UPRT: variants seen among roughly 807,000 people sequenced by gnomAD.
UPRT encodes the protein RP11-311P8.3.
Under a neutral mutation model 22.6 loss-of-function variants are expected in UPRT, and 5 were observed. The observed-to-expected ratio is 0.22, with a 90% CI of 0.12 to 0.47. UPRT has a LOEUF of 0.47. UPRT is among the 20% of genes least tolerant of loss of function. The pLI, the probability that UPRT is intolerant of heterozygous loss-of-function variation, is 0.99. For missense variants in UPRT, 181 were observed against 239.9 expected, an observed-to-expected ratio of 0.75 and a Z score of 1.62; for synonymous variants, 77 against 87.7, an observed-to-expected ratio of 0.88 and a Z score of 0.68.
intron 4 of UPRT, among the ~76,000 whole-genome samples, chrX:75,211,187 A>G (rs2082379455): frequency 9.0e-6 from 1 of 111,075 alleles, no homozygotes; most frequent in Non-Finnish European, 1.9e-5. Flanking sequence ...GAGGGGAGTG[A>G]GTACCCCAGA....
chrX:75,268,352 C>A (rs867222811), intron 4 of UPRT, among the ~76,000 whole-genome samples: 67 of 111,386 alleles, frequency 6.0e-4, no homozygotes, highest in African/African-American at 2.0e-3. Context: ...TGTACCATTC[C>A]GTTTGAAACT....
chrX:75,231,792 T>C (rs1230138107), intron 4 of UPRT, among the ~76,000 whole-genome samples: 3 of 112,278 alleles, frequency 2.7e-5, no homozygotes, highest in Non-Finnish European at 3.8e-5. Context: ...CCAGGTCTTA[T>C]TGATAAACTC....
intron 4 of UPRT, among the ~76,000 whole-genome samples, chrX:75,246,357 TG>T (rs1370075901): frequency 9.5e-6 from 1 of 105,702 alleles, no homozygotes; most frequent in African/African-American, 3.5e-5. Flanking sequence ...ATGCAGTGTT[TG>T]GTTTTTTGTC....
chrX:75,184,865 G>T (rs988386475), intron 4 of UPRT, among the ~76,000 whole-genome samples: 11 of 111,551 alleles, frequency 9.9e-5, no homozygotes, highest in African/African-American at 1.6e-4. Context: ...TTTGTACATT[G>T]ATTTTGTATC....
intron 4 of UPRT, among the ~76,000 whole-genome samples, chrX:75,182,834 C>A: frequency 9.3e-6 from 1 of 107,516 alleles, no homozygotes; most frequent in African/African-American, 3.4e-5. Flanking sequence ...CTTTAAACAC[C>A]TCAATTTCCT....
Position 75,274,487 on chromosome X carries a change from G to A in UPRT, c.233G>A (p.Gly78Asp), listed in dbSNP as rs1220800811. 1 of 1,209,988 alleles carries A rather than the reference G, an allele frequency of 8.3e-7. No homozygotes were observed. Among genetic ancestry groups the A allele is most frequent in the African/African-American group, 1.7e-5 (1 of 57,214 alleles). ...GGCGGCTCCAGCCTCAACTCAGAGG[G>A]CAACAGTGGTAGTGGTGACAGTAGC... is the stretch of plus-strand genomic sequence containing the variant. ...ACGGSSLNSEGNSGSGDSSSY... is the reference protein window; with the variant it reads ...ACGGSSLNSEDNSGSGDSSSY... The change falls in exon 1 of 7, where the codon GGC becomes GAC. Residue 78 changes from glycine (G) to aspartate (D), a missense_variant. Coordinates refer to ENST00000373383, the MANE Select transcript of UPRT (RefSeq NM_145052.4).
At position 75,247,489 on chromosome X, in the gene UPRT, C is replaced by G. The variant is rs1479654858; in HGVS notation, c.-446-43535C>G. ...CACAGAGCCTTGCTCATTGCTAGCACAGCAGTCTGAGATCAAACTGCAAAG... is the reference window on the plus strand; with the variant it reads ...CACAGAGCCTTGCTCATTGCTAGCAGAGCAGTCTGAGATCAAACTGCAAAG... On this transcript the variant is annotated intron_variant, in intron 4 of 13. Transcript: ENST00000652605. 3.6e-5 allele frequency among the ~76,000 whole-genome samples: 4 copies of G among 111,579 alleles called. No homozygotes were observed. In the East Asian group the frequency reaches 1.1e-3, roughly 32 times the overall value.
intron 4 of UPRT, among the ~76,000 whole-genome samples, chrX:75,209,567 T>G (rs1313677193): frequency 8.9e-6 from 1 of 111,887 alleles, no homozygotes; most frequent in African/African-American, 3.2e-5. Flanking sequence ...GAGACGGGGT[T>G]TCACCATGTT....
chrX:75,158,194 C>G (rs957663064), intron 1 of UPRT, among the ~76,000 whole-genome samples: 3 of 111,203 alleles, frequency 2.7e-5, no homozygotes, highest in African/African-American at 9.8e-5. Flanking sequence ...TCCAGGGCAC[C>G]CAGAAATAGA....
At chrX:75,284,728 T>C (rs778282899) in intron 1 of UPRT, among the ~76,000 whole-genome samples, 1 of 111,502 alleles carries the variant, frequency 9.0e-6, no homozygotes, top group East Asian at 2.8e-4. Flanking sequence ...GACTCCATTA[T>C]GGTTTTTAGC....
intron 4 of UPRT, chrX:75,297,804 AGGAGGATG>A (rs1364784105): frequency 3.9e-5 from 14 of 361,674 alleles, no homozygotes; most frequent in Non-Finnish European, 6.3e-5. Flanking sequence ...AGAGATTCAG[AGGAGGATG>A]GGAGGATAGG....
At chrX:75,291,118 G>A (rs945837340) in intron 1 of UPRT, among the ~76,000 whole-genome samples, 11 of 111,776 alleles carry the variant, frequency 9.8e-5, no homozygotes, top group Admixed American at 2.9e-4. Flanking sequence ...GTCAAGAAAA[G>A]TGGGTTCTCA....
intron 4 of UPRT, among the ~76,000 whole-genome samples, chrX:75,253,925 G>T (rs1018871440): frequency 4.5e-5 from 5 of 111,495 alleles, no homozygotes; most frequent in Non-Finnish European, 9.4e-5. Flanking sequence ...GAGCTCCCTG[G>T]GTAAACTAGC....
At chrX:75,228,045 C>T (rs2082428224) in intron 4 of UPRT, among the ~76,000 whole-genome samples, 1 of 111,886 alleles carries the variant, frequency 8.9e-6, no homozygotes, top group Admixed American at 9.5e-5. Context: ...TGGAAACAGA[C>T]TCTGTGATAA....
chrX:75,248,705 G>A (rs1331638065), intron 4 of UPRT, among the ~76,000 whole-genome samples: 1 of 111,003 alleles, frequency 9.0e-6, no homozygotes, highest in East Asian at 2.8e-4. Context: ...GGAAATACAG[G>A]GAACACCACA....
At chrX:75,173,728 C>T (rs1235024365) in intron 4 of UPRT, among the ~76,000 whole-genome samples, 1 of 112,116 alleles carries the variant, frequency 8.9e-6, no homozygotes, top group Non-Finnish European at 1.9e-5. Context: ...GACTGCAGGT[C>T]CTGAGCCCTG....
chrX:75,257,505 A>G (rs1374962085), intron 4 of UPRT, among the ~76,000 whole-genome samples: 1 of 111,658 alleles, frequency 9.0e-6, no homozygotes, highest in Non-Finnish European at 1.9e-5. Flanking sequence ...CATAGTACTA[A>G]AAGTCCTAGC....
intron 4 of UPRT, among the ~76,000 whole-genome samples, chrX:75,237,086 TCAAA>T (rs1362457310): frequency 9.0e-6 from 1 of 111,608 alleles, no homozygotes; most frequent in Admixed American, 9.5e-5. Context: ...TACAATGAAC[TCAAA>T]CAAATTTACA....
At chrX:75,287,616 T>A (rs1459010637) in intron 1 of UPRT, among the ~76,000 whole-genome samples, 1 of 111,196 alleles carries the variant, frequency 9.0e-6, no homozygotes, top group African/African-American at 3.3e-5. Context: ...ATTGAGGATT[T>A]GCAAAAAATT....
Sources: gnomAD v4.1 joint callset for allele counts (sites outside exome capture counted in the v4.1 genomes callset) on GRCh38, gnomAD v4.1.1 for gene constraint, MANE v1.5 for transcripts, NCBI Gene and HGNC (gene_info 2026-07-23, HGNC 2026-07-21) for gene names.